NTM: variants seen among roughly 807,000 people sequenced by gnomAD.
NTM encodes the protein IgLON family member 2.
A neutral mutation model predicts 42.1 loss-of-function variants in NTM; 13 were observed. The ratio of observed to expected loss-of-function variants is 0.31; its 90% confidence interval spans 0.20 to 0.49. The LOEUF (loss-of-function observed/expected upper bound fraction) is 0.49, where lower values mean the gene tolerates loss of function less well. NTM is among the 20% of genes least tolerant of loss of function. NTM has a pLI of 0.99. For synonymous variants in NTM, 187 were observed against 179.2 expected (o/e 1.04, Z -0.35); for missense variants, 373 against 452.8 (o/e 0.82, Z 1.60).
chr11:131,809,434 G>C (rs2136296732), intron 1 of NTM, among the ~76,000 whole-genome samples: 1 of 152,316 alleles, frequency 6.6e-6, no homozygotes, highest in African/African-American at 2.4e-5. Context: ...CCCTGGCCAT[G>C]CCTCATGGAG....
intron 2 of NTM, among the ~76,000 whole-genome samples, chr11:132,071,575 A>G (rs905414898): frequency 6.6e-6 from 1 of 152,224 alleles, no homozygotes; most frequent in Non-Finnish European, 1.5e-5. Flanking sequence ...TACATTAGCC[A>G]TGATTATAAT....
At chr11:131,690,878 C>T (rs186539771) in intron 1 of NTM, among the ~76,000 whole-genome samples, 1 of 152,304 alleles carries the variant, frequency 6.6e-6, no homozygotes, top group African/African-American at 2.4e-5. Context: ...CCCGTCACTT[C>T]CCCATCAGAG....
intron 1 of NTM, among the ~76,000 whole-genome samples, chr11:131,500,264 C>A (rs1249840569): frequency 1.3e-5 from 2 of 152,178 alleles, no homozygotes; most frequent in Non-Finnish European, 2.9e-5. Context: ...TCCTTTCTCT[C>A]TTTGAACAGG....
At position 131,794,755 on chromosome 11, in the gene NTM, G is replaced by A. The variant is rs527853320; in HGVS notation, c.83-116809G>A. 2.5e-4 allele frequency: 248 copies of A among 985,328 alleles called. No homozygotes were observed. In the African/African-American group the frequency reaches 4.0e-3, roughly 16 times the overall value. The allele number at this position is 985,328 out of a possible 1,614,324, so 61.0% of individuals were successfully genotyped here. A position where few individuals can be genotyped will look rare whatever the true frequency, so the allele number is the denominator to read the frequency against. On this transcript the variant is annotated intron_variant, in intron 1 of 8. Transcript: ENST00000683400. Reference sequence around the variant, plus strand: ...AGCTTGTGTAGGACTTAGAACAATGGTGAGCTCCACACACCATGTGAAAAG... The same window carrying A: ...AGCTTGTGTAGGACTTAGAACAATGATGAGCTCCACACACCATGTGAAAAG...
chr11:131,576,818 T>C (rs2057978767), intron 1 of NTM, among the ~76,000 whole-genome samples: 1 of 152,228 alleles, frequency 6.6e-6, no homozygotes. Flanking sequence ...GAATCTTGGC[T>C]CTGTCAGTTT....
At chr11:132,190,094 T>C (rs911900391) in intron 3 of NTM, among the ~76,000 whole-genome samples, 1 of 152,136 alleles carries the variant, frequency 6.6e-6, no homozygotes, top group African/African-American at 2.4e-5. Flanking sequence ...AACAAAATGA[T>C]TTGAGCCCTT....
intron 4 of NTM, chr11:132,306,292 C>A (rs2095077956): frequency 6.6e-6 from 1 of 152,198 alleles, no homozygotes; most frequent in Non-Finnish European, 1.5e-5. Flanking sequence ...CGGTTTTTTA[C>A]AGCTACTGTT....
At chr11:132,055,970 G>T (rs1359518404) in intron 2 of NTM, among the ~76,000 whole-genome samples, 1 of 152,214 alleles carries the variant, frequency 6.6e-6, no homozygotes, top group Non-Finnish European at 1.5e-5. Flanking sequence ...GTAGTTCTAC[G>T]TTAGAATATT....
intron 1 of NTM, among the ~76,000 whole-genome samples, chr11:131,575,411 T>A (rs2057834013): frequency 6.6e-6 from 1 of 152,216 alleles, no homozygotes; most frequent in Non-Finnish European, 1.5e-5. Flanking sequence ...GTATAAGAAC[T>A]ACATACCCTA....
intron 4 of NTM, among the ~76,000 whole-genome samples, chr11:132,298,227 C>T (rs1212017407): frequency 6.6e-6 from 1 of 152,228 alleles, no homozygotes; most frequent in Admixed American, 6.5e-5. Context: ...AGCCAAGATA[C>T]TGAGGCAATA....
Position 132,003,766 on chromosome 11 carries a change from G to T in NTM, c.167+92118G>T, listed in dbSNP as rs990621901. Among the ~76,000 whole-genome samples, 1 of 152,300 alleles carries T rather than the reference G, an allele frequency of 6.6e-6. No individual in the cohort carries two copies. Among genetic ancestry groups the T allele is most frequent in the African/African-American group, 2.4e-5 (1 of 41,560 alleles). On this transcript the variant is annotated intron_variant, in intron 2 of 8. Transcript: ENST00000683400. The surrounding 1 kb of genome is among the most constrained non-coding windows in gnomAD (Gnocchi z 6.0). ...ATTGCCTCCTTGGAATCTACACAGA[G>T]AAATCCCTGAGCTTTACTTTTTCTG...
At position 132,146,441 on chromosome 11, in the gene NTM, C is replaced by T. The variant is rs753385528; in HGVS notation, c.327C>T (p.Asp109=). 14 of 1,614,040 alleles carry T rather than the reference C, an allele frequency of 8.7e-6. No individual in the cohort carries two copies. The highest frequency in any genetic ancestry group is 6.7e-5 in the East Asian group (3 of 44,886). Residue 109 remains aspartate (D), a synonymous_variant, in exon 3 of 9, where the codon GAC becomes GAT. Coordinates refer to ENST00000683400, the MANE Select transcript of NTM (RefSeq NM_001352005.2). The surrounding 1 kb of genome is among the most constrained non-coding windows in gnomAD (Gnocchi z 4.5). ...AGATCCAGAACGTGGATGTGTATGA[C>T]GAGGGCCCTTACACCTGCTCGGTGC... ...SIEIQNVDVY[D]EGPYTCSVQT...
intron 3 of NTM, among the ~76,000 whole-genome samples, chr11:132,205,405 C>A (rs768719481): frequency 2.6e-5 from 4 of 152,138 alleles, no homozygotes; most frequent in Non-Finnish European, 4.4e-5. Context: ...GGAAGCTAAA[C>A]CAAGAGTAGG....
In NTM at chr11:132,328,425, G is replaced by A. The variant is rs571500596; in HGVS notation, c.935-1728G>A. On this transcript the variant is annotated intron_variant, in intron 7 of 8. Transcript: ENST00000683400. The stretch of plus-strand genomic sequence containing the variant: ...GCCATCTTTCAAGTAGTGTGTGTTG[G>A]AGATTTAGAGGAAGAGAAAAAAACC... Among the ~76,000 whole-genome samples, 68 of 151,988 alleles carry A rather than the reference G, an allele frequency of 4.5e-4. 1 individual carries two copies. Among genetic ancestry groups the A allele is most frequent in the Non-Finnish European group, 8.4e-4 (57 of 68,024 alleles).
chr11:131,536,214 G>T (rs371539), intron 1 of NTM: 107,396 of 152,064 alleles, frequency 0.71, 39,987 homozygotes, highest in Non-Finnish European at 0.83. Context: ...TAAAGTGCAA[G>T]GTACTTGTAC....
At chr11:132,109,616 C>T (rs1197478926) in intron 2 of NTM, among the ~76,000 whole-genome samples, 4 of 152,204 alleles carry the variant, frequency 2.6e-5, no homozygotes, top group African/African-American at 4.8e-5. Flanking sequence ...AAGACCTACA[C>T]GAGTTAGCCC....
rs890170070 is a variant in NTM, at chr11:132,123,048, A to G, written c.168-23234A>G. On this transcript the variant is annotated intron_variant, in intron 2 of 8. Transcript: ENST00000683400. Reference sequence around the variant, plus strand: ...GGCCTCCTCCTGGCACACTTTTCCTATCTTCTCTTCTGTGCATCTCCCCGT... The same window carrying G: ...GGCCTCCTCCTGGCACACTTTTCCTGTCTTCTCTTCTGTGCATCTCCCCGT... 3.3e-5 allele frequency among the ~76,000 whole-genome samples: 5 copies of G among 151,848 alleles called. No homozygotes were observed. In the East Asian group the frequency reaches 9.7e-4, roughly 29 times the overall value.
intron 6 of NTM, 45 bp downstream of exon 6, chr11:132,310,277 G>A (rs1726142535): frequency 1.3e-6 from 2 of 1,521,526 alleles, no homozygotes; most frequent in Non-Finnish European, 8.8e-7. Flanking sequence ...CCCATCTCCA[G>A]GAGAAACTTT....
At chr11:132,156,901 C>T (rs764088606) in intron 3 of NTM, among the ~76,000 whole-genome samples, 3 of 152,168 alleles carry the variant, frequency 2.0e-5, no homozygotes, top group Non-Finnish European at 4.4e-5. Flanking sequence ...TAGGAACACA[C>T]ACAGAGGAGA....
Sources: gnomAD v4.1 joint callset for allele counts (sites outside exome capture counted in the v4.1 genomes callset) on GRCh38, gnomAD v4.1.1 for gene constraint, Gnocchi (gnomAD v3.1) non-coding constraint, MANE v1.5 for transcripts, NCBI Gene and HGNC (gene_info 2026-07-23, HGNC 2026-07-21) for gene names.